LRRC4C: variants seen among roughly 807,000 people sequenced by gnomAD.
The protein encoded by LRRC4C is leucine-rich repeat-containing protein 4C.
A neutral mutation model predicts 33.6 loss-of-function variants in LRRC4C; 5 were observed. The ratio of observed to expected loss-of-function variants is 0.15; its 90% CI spans 0.08 to 0.31. The LOEUF is 0.31. LRRC4C is among the 10% of genes least tolerant of loss of function. LRRC4C has a pLI of 1.00. For synonymous variants in LRRC4C, 329 were observed against 302.0 expected (o/e 1.09, Z -0.93); for missense variants, 560 against 796.7 (o/e 0.70, Z 3.58).
intron 2 of LRRC4C, among the ~76,000 whole-genome samples, chr11:40,868,519 G>C (rs1288581884): frequency 1.3e-5 from 2 of 152,032 alleles, no homozygotes; most frequent in African/African-American, 2.4e-5. Context: ...AACTTTGGAA[G>C]ATTTATCTCT....
chr11:41,374,273 G>A (rs1432872210), intron 1 of LRRC4C, among the ~76,000 whole-genome samples: 1 of 151,992 alleles, frequency 6.6e-6, no homozygotes, highest in Non-Finnish European at 1.5e-5. Context: ...CAAGTACACT[G>A]AAATTATCAC....
At chr11:41,328,776 T>C (rs936308212) in intron 1 of LRRC4C, among the ~76,000 whole-genome samples, 1 of 152,194 alleles carries the variant, frequency 6.6e-6, no homozygotes, top group Non-Finnish European at 1.5e-5. Context: ...CCCCAGGTTG[T>C]CAAATGTTTC....
At chr11:40,858,198 T>A (rs1953895984) in intron 2 of LRRC4C, among the ~76,000 whole-genome samples, 1 of 152,186 alleles carries the variant, frequency 6.6e-6, no homozygotes, top group Non-Finnish European at 1.5e-5. Flanking sequence ...ACCGTATTAG[T>A]GCAAAACTAT....
intron 1 of LRRC4C, among the ~76,000 whole-genome samples, chr11:41,118,754 CA>C (rs1407288364): frequency 6.6e-6 from 1 of 152,140 alleles, no homozygotes; most frequent in East Asian, 1.9e-4. Context: ...AAGCAACTTT[CA>C]TTGTGATGCC....
chr11:40,708,440 A>G (rs1038831295), intron 2 of LRRC4C, among the ~76,000 whole-genome samples: 1 of 152,176 alleles, frequency 6.6e-6, no homozygotes, highest in Admixed American at 6.5e-5. Context: ...TTCAAAGAAC[A>G]TCTTTATTTC....
intron 2 of LRRC4C, among the ~76,000 whole-genome samples, chr11:40,659,899 A>G (rs1943339548): frequency 6.6e-6 from 1 of 152,206 alleles, no homozygotes; most frequent in Admixed American, 6.5e-5. Context: ...AGTACTCAGG[A>G]TGTACCAAAT....
chr11:41,439,811 G>C (rs562092801), intron 1 of LRRC4C, among the ~76,000 whole-genome samples: 63 of 152,146 alleles, frequency 4.1e-4, no homozygotes, highest in African/African-American at 1.4e-3. Flanking sequence ...AAAGGAATAG[G>C]GTTTTGATGG....
intron 1 of LRRC4C, among the ~76,000 whole-genome samples, chr11:40,955,463 C>G (rs1470172524): frequency 6.6e-6 from 1 of 151,664 alleles, no homozygotes; most frequent in Non-Finnish European, 1.5e-5. Flanking sequence ...AAATAAAAAA[C>G]CCTATTTTTT....
chr11:40,396,188 G>A (rs185041681), intron 3 of LRRC4C, among the ~76,000 whole-genome samples: 168 of 152,076 alleles, frequency 1.1e-3, no homozygotes, highest in African/African-American at 3.9e-3. Context: ...CATTAAGAAA[G>A]TAGGAGCTGT....
intron 1 of LRRC4C, among the ~76,000 whole-genome samples, chr11:41,356,028 C>T (rs1209644739): frequency 2.0e-5 from 3 of 151,990 alleles, no homozygotes; most frequent in Admixed American, 6.6e-5. Flanking sequence ...GAGTTTATAG[C>T]GTTCACCTTA....
chr11:41,429,942 G>T (rs1411618788), intron 1 of LRRC4C, among the ~76,000 whole-genome samples: 2 of 152,154 alleles, frequency 1.3e-5, no homozygotes, highest in Admixed American at 1.3e-4. Flanking sequence ...GATGGTACTT[G>T]TGTAATAAAT....
chr11:40,656,757 A>G (rs954228548), intron 2 of LRRC4C, among the ~76,000 whole-genome samples: 7 of 152,194 alleles, frequency 4.6e-5, no homozygotes, highest in African/African-American at 1.7e-4. Context: ...ATCCCTCTAG[A>G]GTCAAAGGTA....
chr11:40,992,104 C>A (rs573890500), intron 1 of LRRC4C, among the ~76,000 whole-genome samples: 1 of 152,290 alleles, frequency 6.6e-6, no homozygotes, highest in Admixed American at 6.5e-5. Flanking sequence ...CCACAATTAA[C>A]CGAAAAGGCA....
At chr11:40,827,951 T>C (rs540146533) in intron 2 of LRRC4C, among the ~76,000 whole-genome samples, 13 of 151,858 alleles carry the variant, frequency 8.6e-5, no homozygotes, top group South Asian at 8.3e-4. Context: ...ATAAAAACAA[T>C]TACAATATCT....
intron 1 of LRRC4C, among the ~76,000 whole-genome samples, chr11:41,349,537 G>A (rs1951907608): frequency 6.6e-6 from 1 of 152,078 alleles, no homozygotes; most frequent in South Asian, 2.1e-4. Context: ...CGAGCACACA[G>A]CCCAGGAATG....
chr11:41,067,821 A>C (rs1028504597), intron 1 of LRRC4C, among the ~76,000 whole-genome samples: 1 of 152,192 alleles, frequency 6.6e-6, no homozygotes, highest in Non-Finnish European at 1.5e-5. Context: ...TAAATAAGGA[A>C]ATTAAGGCAG....
At chr11:41,206,193 C>T (rs1424398618) in intron 1 of LRRC4C, among the ~76,000 whole-genome samples, 2 of 152,126 alleles carry the variant, frequency 1.3e-5, no homozygotes, top group African/African-American at 4.8e-5. Flanking sequence ...ATTTTTTTAA[C>T]TACTCTCAAG....
chr11:40,483,449 G>A (rs1204253672), intron 3 of LRRC4C, among the ~76,000 whole-genome samples: 2 of 152,142 alleles, frequency 1.3e-5, no homozygotes, highest in Non-Finnish European at 2.9e-5. Context: ...GATAATGTGA[G>A]CCGTGGTTTA....
intron 5 of LRRC4C, among the ~76,000 whole-genome samples, chr11:40,193,227 C>T (rs1317188521): frequency 2.0e-5 from 3 of 152,088 alleles, no homozygotes; most frequent in African/African-American, 7.2e-5. Flanking sequence ...CTGGTGGGTG[C>T]CCCTCTGGGA....
Sources: gnomAD v4.1 joint callset for allele counts (sites outside exome capture counted in the v4.1 genomes callset) on GRCh38, gnomAD v4.1.1 for gene constraint, MANE v1.5 for transcripts, NCBI Gene and HGNC (gene_info 2026-07-23, HGNC 2026-07-21) for gene names.